CDH18: variants seen among roughly 807,000 people sequenced by gnomAD.
CDH18 encodes cadherin 18, also known as cadherin-18.
CDH18 carries 31 observed loss-of-function variants against 67.9 expected under a neutral mutation model. The observed-to-expected ratio is 0.46, with a 90% confidence interval of 0.34 to 0.62. The LOEUF (loss-of-function observed/expected upper bound fraction) is 0.62. Ranked by LOEUF, CDH18 falls within the 20% of genes least tolerant of loss-of-function variation. The pLI, the probability that CDH18 is intolerant of heterozygous loss-of-function variation, is 0.01. For synonymous variants in CDH18, 362 were observed against 347.2 expected, an observed-to-expected ratio of 1.04 and a Z score of -0.48; for missense variants, 890 against 975.5, an observed-to-expected ratio of 0.91 and a Z score of 1.17.
intron 3 of CDH18, among the ~76,000 whole-genome samples, chr5:19,814,572 G>A (rs1179030479): frequency 6.6e-6 from 1 of 151,886 alleles, no homozygotes; most frequent in East Asian, 1.9e-4. Flanking sequence ...AATCCCAGGA[G>A]GGCGTTAAAA....
At chr5:19,802,645 T>A (rs1244533750) in intron 3 of CDH18, among the ~76,000 whole-genome samples, 3 of 152,122 alleles carry the variant, frequency 2.0e-5, no homozygotes, top group Non-Finnish European at 2.9e-5. Flanking sequence ...CATCTTACTT[T>A]TGAAAAATCA....
chr5:19,479,718 C>T (rs564656985), intron 12 of CDH18, among the ~76,000 whole-genome samples: 10 of 152,218 alleles, frequency 6.6e-5, no homozygotes, highest in Admixed American at 5.2e-4. Flanking sequence ...ACGGTGGCCT[C>T]ACCTAGGTCA....
intron 1 of CDH18, among the ~76,000 whole-genome samples, chr5:20,368,409 C>T (rs573079583): frequency 6.6e-6 from 1 of 152,200 alleles, no homozygotes; most frequent in African/African-American, 2.4e-5. Flanking sequence ...AAAATAAATA[C>T]ACATCTAAAG....
chr5:20,314,745 G>GT (rs1235243425), intron 1 of CDH18, among the ~76,000 whole-genome samples: 3 of 151,856 alleles, frequency 2.0e-5, no homozygotes, highest in Non-Finnish European at 4.4e-5. Context: ...CTATATTGAC[G>GT]TTTTTATTAA....
intron 1 of CDH18, among the ~76,000 whole-genome samples, chr5:20,332,634 C>A (rs1020797313): frequency 3.9e-5 from 6 of 152,040 alleles, no homozygotes; most frequent in East Asian, 1.9e-4. Flanking sequence ...GAGTTGAGTA[C>A]CTAAAACATA....
At chr5:20,131,118 C>A (rs573438593) in intron 2 of CDH18, among the ~76,000 whole-genome samples, 2 of 151,998 alleles carry the variant, frequency 1.3e-5, no homozygotes, top group Non-Finnish European at 2.9e-5. Context: ...TTGCCTAATC[C>A]CTTCTTCATA....
At chr5:19,983,217 T>G (rs1333457377) in intron 1 of CDH18, among the ~76,000 whole-genome samples, 1 of 152,086 alleles carries the variant, frequency 6.6e-6, no homozygotes, top group Non-Finnish European at 1.5e-5. Context: ...TCAGGTAGAC[T>G]GAAAATAATT....
chr5:19,524,629 G>A (rs347728), intron 9 of CDH18, among the ~76,000 whole-genome samples: 83,358 of 151,838 alleles, frequency 0.55, 23,736 homozygotes, highest in African/African-American at 0.7. Context: ...ATGTATTCCT[G>A]TATCTCCCAA....
chr5:20,320,786 GCT>G (rs1176731572), intron 1 of CDH18, among the ~76,000 whole-genome samples: 1 of 152,148 alleles, frequency 6.6e-6, no homozygotes, highest in Non-Finnish European at 1.5e-5. Context: ...CAGGATACTG[GCT>G]CTTTCCTGTG....
intron 9 of CDH18, among the ~76,000 whole-genome samples, chr5:19,521,819 A>C (rs1746947466): frequency 6.6e-6 from 1 of 152,070 alleles, no homozygotes; most frequent in African/African-American, 2.4e-5. Flanking sequence ...TTTGTCCCAG[A>C]TTTTTTACTT....
At chr5:19,575,219 A>C (rs768495084) in intron 7 of CDH18, among the ~76,000 whole-genome samples, 1 of 152,208 alleles carries the variant, frequency 6.6e-6, no homozygotes, top group African/African-American at 2.4e-5. Flanking sequence ...ATAGTTGTAG[A>C]AAAATTTATT....
At chr5:19,997,684 C>A (rs1736121650) in intron 2 of CDH18, among the ~76,000 whole-genome samples, 1 of 152,146 alleles carries the variant, frequency 6.6e-6, no homozygotes, top group Non-Finnish European at 1.5e-5. Flanking sequence ...CAACTGATTG[C>A]AGGTCAACCT....
intron 2 of CDH18, among the ~76,000 whole-genome samples, chr5:19,920,872 T>C (rs1792357428): frequency 7.3e-6 from 1 of 137,396 alleles, no homozygotes; most frequent in Admixed American, 7.8e-5. Context: ...CTAAGCATTA[T>C]ATATATGTAT....
chr5:19,646,894 T>C (rs1259937847), intron 5 of CDH18, among the ~76,000 whole-genome samples: 1 of 151,922 alleles, frequency 6.6e-6, no homozygotes, highest in Non-Finnish European at 1.5e-5. Context: ...AAAAGATGGA[T>C]GAGGATAAGG....
intron 1 of CDH18, among the ~76,000 whole-genome samples, chr5:20,475,716 T>C (rs1320201999): frequency 2.6e-5 from 4 of 152,216 alleles, no homozygotes; most frequent in Non-Finnish European, 5.9e-5. Context: ...GTTTTCATTT[T>C]CTCTAAGATT....
At chr5:19,994,722 TATATATATATATATATAGAGAGAGAG>T (rs1160060827) in intron 2 of CDH18, among the ~76,000 whole-genome samples, 7 of 23,988 alleles carry the variant, frequency 2.9e-4, no homozygotes, top group African/African-American at 1.1e-3. Context: ...TATATATATA[TATATATATATATATATAGAGAGAGAG>T]AGAGAGAGAG....
chr5:20,136,718 G>T (rs1749756254), intron 2 of CDH18, among the ~76,000 whole-genome samples: 1 of 152,096 alleles, frequency 6.6e-6, no homozygotes, highest in African/African-American at 2.4e-5. Context: ...TTTTTGCAGT[G>T]GCTGGTACTG....
chr5:20,396,046 T>A (rs1745250939), intron 1 of CDH18, among the ~76,000 whole-genome samples: 1 of 152,122 alleles, frequency 6.6e-6, no homozygotes, highest in Non-Finnish European at 1.5e-5. Context: ...AAATAAGGCG[T>A]TTTCCTAAGT....
At chr5:19,480,651 A>AC (rs1739272718) in intron 12 of CDH18, among the ~76,000 whole-genome samples, 1 of 152,142 alleles carries the variant, frequency 6.6e-6, no homozygotes, top group South Asian at 2.1e-4. Flanking sequence ...TGCTGGGATT[A>AC]TGGCATGAGC....
Sources: gnomAD v4.1 joint callset for allele counts (sites outside exome capture counted in the v4.1 genomes callset) on GRCh38, gnomAD v4.1.1 for gene constraint, MANE v1.5 for transcripts, NCBI Gene and HGNC (gene_info 2026-07-23, HGNC 2026-07-21) for gene names.